Variants in MTHFD1L observed in about 807,000 individuals in gnomAD.
MTHFD1L encodes the protein monofunctional C1-tetrahydrofolate synthase, mitochondrial.
A neutral mutation model predicts 119.5 loss-of-function variants in MTHFD1L; 81 were observed. The observed-to-expected ratio is 0.68, with a 90% CI of 0.57 to 0.82. The LOEUF (loss-of-function observed/expected upper bound fraction) is 0.82. Ranked by LOEUF, MTHFD1L falls within the 40% of genes least tolerant of loss-of-function variation. The probability of loss-of-function intolerance (pLI) is 0.00; values close to 1 mark genes in which losing one functional copy is unlikely to be tolerated. For missense variants in MTHFD1L, 1,125 were observed against 1,253.4 expected (o/e 0.90, Z 1.55); for synonymous variants, 430 against 475.2 (o/e 0.90, Z 1.24).
Position 151,031,721 on chromosome 6 carries a change from C to A in MTHFD1L, c.2587-2772C>A, listed in dbSNP as rs116408444. Among the ~76,000 whole-genome samples the A allele has an allele frequency of 7.9e-3, 1,207 of 152,204 alleles. 12 individuals are homozygous for A. The highest frequency in any genetic ancestry group is 0.027 in the African/African-American group (1,115 of 41,526). On this transcript the variant is annotated intron_variant, in intron 24 of 27. Coordinates refer to ENST00000367321, the MANE Select transcript of MTHFD1L (RefSeq NM_015440.5). Reference sequence around the variant, plus strand: ...TGTAGTGAAATCTATATATCATTTCCTTTATGGGTTATTCTATTGTTACCT... The same window carrying A: ...TGTAGTGAAATCTATATATCATTTCATTTATGGGTTATTCTATTGTTACCT...
chr6:150,932,292 G>A (rs1388133046), intron 11 of MTHFD1L, among the ~76,000 whole-genome samples: 2 of 151,992 alleles, frequency 1.3e-5, no homozygotes, highest in Admixed American at 6.6e-5. Flanking sequence ...CAAGTGTGTG[G>A]CCTGGTAGGC....
rs554460066 is a variant in MTHFD1L at position 150,926,541 on chromosome 6, G to A, written c.1256+246G>A. On this transcript the variant is annotated intron_variant, in intron 11 of 27. Coordinates refer to ENST00000367321, the MANE Select transcript of MTHFD1L (RefSeq NM_015440.5). This position sits in a 1 kb window ranked among gnomAD's most constrained non-coding sequence, Gnocchi z 4.3. ...CTTTATCTTTTGTTTCTCATATTAT[G>A]TTGTTATTACCCCTGCTCCTCCTTG... Among the ~76,000 whole-genome samples the A allele has an allele frequency of 6.6e-6, 1 of 152,232 alleles. No homozygotes were observed. Among genetic ancestry groups the A allele is most frequent in the South Asian group, 2.1e-4 (1 of 4,826 alleles).
intron 20 of MTHFD1L, among the ~76,000 whole-genome samples, chr6:150,988,229 A>C (rs1293435334): frequency 6.6e-6 from 1 of 152,212 alleles, no homozygotes; most frequent in Non-Finnish European, 1.5e-5. Flanking sequence ...AAAATGCATA[A>C]GCTTTTTGAG....
At chr6:150,925,560 A>T (rs1789802838) in intron 10 of MTHFD1L, among the ~76,000 whole-genome samples, 1 of 152,228 alleles carries the variant, frequency 6.6e-6, no homozygotes. Flanking sequence ...AATTAATAAA[A>T]CATTTTGAAA....
intron 8 of MTHFD1L, among the ~76,000 whole-genome samples, chr6:150,915,269 T>C (rs1787656565): frequency 6.6e-6 from 1 of 152,174 alleles, no homozygotes; most frequent in Non-Finnish European, 1.5e-5. Context: ...TTTTTTTTCC[T>C]TAGCTCATCA....
chr6:151,041,739 A>T, intron 26 of MTHFD1L: 1 of 494,052 alleles, frequency 2.0e-6, no homozygotes, highest in Non-Finnish European at 4.1e-6. Flanking sequence ...CGGGCTTTAT[A>T]ACAAAGGCAG....
chr6:151,001,683 G>A (rs75526223), intron 20 of MTHFD1L, among the ~76,000 whole-genome samples: 4,463 of 152,136 alleles, frequency 0.029, 101 homozygotes, highest in African/African-American at 0.061. Context: ...TCAGGAGGCC[G>A]GATTGCAGCG....
intron 13 of MTHFD1L, among the ~76,000 whole-genome samples, chr6:150,941,422 A>G (rs1005773345): frequency 1.3e-5 from 2 of 152,188 alleles, no homozygotes; most frequent in African/African-American, 4.8e-5. Context: ...AGATAACACA[A>G]TGCAGATTGA....
chr6:150,890,138 A>G (rs1033445642), intron 7 of MTHFD1L, among the ~76,000 whole-genome samples: 1 of 152,180 alleles, frequency 6.6e-6, no homozygotes, highest in Non-Finnish European at 1.5e-5. Flanking sequence ...CCTGGGCAAC[A>G]AGAACGAAAC....
At chr6:151,069,261 C>T (rs1029727697) in intron 26 of MTHFD1L, among the ~76,000 whole-genome samples, 2 of 150,520 alleles carry the variant, frequency 1.3e-5, no homozygotes, top group Non-Finnish European at 3.0e-5. Context: ...TTCTCTCTCT[C>T]TCTCTCTCTC....
At chr6:150,892,964 G>T (rs1257914228) in intron 7 of MTHFD1L, among the ~76,000 whole-genome samples, 1 of 152,122 alleles carries the variant, frequency 6.6e-6, no homozygotes, top group African/African-American at 2.4e-5. Flanking sequence ...CCTAGGCATG[G>T]GTTAGTGTCC....
chr6:151,098,517 G>A (rs1795083080), intron 27 of MTHFD1L, among the ~76,000 whole-genome samples: 2 of 152,128 alleles, frequency 1.3e-5, no homozygotes, highest in Admixed American at 6.5e-5. Flanking sequence ...GGAAGCTCCA[G>A]CTTTATACTT....
intron 24 of MTHFD1L, among the ~76,000 whole-genome samples, chr6:151,032,433 C>T (rs1450929293): frequency 6.6e-6 from 1 of 152,154 alleles, no homozygotes; most frequent in South Asian, 2.1e-4. Flanking sequence ...AGAACTCACT[C>T]ATTATCGTGA....
chr6:150,985,227 A>G (rs957138946), intron 20 of MTHFD1L: 6 of 152,088 alleles, frequency 3.9e-5, no homozygotes, highest in African/African-American at 1.4e-4. Context: ...ACTTTTTTCC[A>G]TCTTTTTTCT....
At chr6:150,877,875 CT>C in intron 4 of MTHFD1L, 49 bp downstream of exon 4, 1 of 1,603,802 alleles carries the variant, frequency 6.2e-7, no homozygotes, top group South Asian at 1.1e-5. Context: ...CCTCTTGAGA[CT>C]TAATAGGCCC....
intron 13 of MTHFD1L, 129 bp from the exon 14 acceptor site, chr6:150,944,357 A>C: frequency 1.5e-6 from 1 of 680,064 alleles, no homozygotes; most frequent in Non-Finnish European, 2.6e-6. Flanking sequence ...CTTAGGTGAG[A>C]GGATTGCTTG....
chr6:150,873,364 T>C (rs1467638715), intron 1 of MTHFD1L, among the ~76,000 whole-genome samples: 2 of 152,186 alleles, frequency 1.3e-5, no homozygotes, highest in Non-Finnish European at 2.9e-5. Flanking sequence ...GGATCAAGAC[T>C]ATGAATGTTT....
chr6:151,042,212 CCAATTTTTCCTTCTTAAA>C (rs1305363007), intron 26 of MTHFD1L: 1 of 156,144 alleles, frequency 6.4e-6, no homozygotes, highest in African/African-American at 2.4e-5. Flanking sequence ...TTGATGGTAG[CCAATTTTTCCTTCTTAAA>C]ATAACTTTCT....
intron 8 of MTHFD1L, among the ~76,000 whole-genome samples, chr6:150,906,607 G>A (rs969894827): frequency 2.0e-5 from 3 of 152,242 alleles, no homozygotes; most frequent in African/African-American, 7.2e-5. Context: ...AAATGTTTGT[G>A]TGGAAGAGAG....
Sources: gnomAD v4.1 joint callset for allele counts (sites outside exome capture counted in the v4.1 genomes callset) on GRCh38, gnomAD v4.1.1 for gene constraint, Gnocchi (gnomAD v3.1) non-coding constraint, MANE v1.5 for transcripts, NCBI Gene and HGNC (gene_info 2026-07-23, HGNC 2026-07-21) for gene names.